Variants in BBS2 observed in about 807,000 individuals in gnomAD.
BBS2 encodes the protein Bardet-Biedl syndrome 2.
BBS2 carries 62 observed loss-of-function variants against 83.0 expected under a neutral mutation model. That is an observed-to-expected ratio of 0.75 (90% confidence interval 0.61 to 0.92). The LOEUF (loss-of-function observed/expected upper bound fraction) is 0.92, where lower values mean the gene tolerates loss of function less well. BBS2 is among the 40% of genes least tolerant of loss of function. BBS2 has a pLI of 0.00. For missense variants in BBS2, 784 were observed against 901.0 expected (o/e 0.87, Z 1.66); for synonymous variants, 303 against 326.1 (o/e 0.93, Z 0.76).
intron 15 of BBS2, among the ~76,000 whole-genome samples, chr16:56,492,586 T>C (rs1238135703): frequency 6.6e-6 from 1 of 152,214 alleles, no homozygotes; most frequent in Non-Finnish European, 1.5e-5. Flanking sequence ...ACTGCACCTA[T>C]AGTCAACGAT....
intron 17 of BBS2, chr16:56,477,988 T>C (rs1019585251): frequency 2.6e-5 from 4 of 152,248 alleles, no homozygotes; most frequent in Non-Finnish European, 4.4e-5. Context: ...GCCCTTGATA[T>C]GGATATTTAT....
At chr16:56,502,256 C>T in intron 9 of BBS2, 61 bp downstream of exon 9, 1 of 1,610,146 alleles carries the variant, frequency 6.2e-7, no homozygotes, top group Non-Finnish European at 8.5e-7. Context: ...TTTGCTGATC[C>T]TCCCGGTCAG....
At chr16:56,519,635 G>C in intron 1 of BBS2, 111 bp downstream of exon 1, 1 of 850,648 alleles carries the variant, frequency 1.2e-6, no homozygotes, top group Non-Finnish European at 1.9e-6. Context: ...CGGTTGCCGG[G>C]CAACACGGGC....
rs756639098 is a variant in BBS2, at chr16:56,514,561, A to T, written c.237T>A (p.Thr79=). ...CAAGCTCAGGGTTCAATACGCCTGC[A>T]GTCAGACAGCTGACTGCCTGGTTAA... is the stretch of plus-strand genomic sequence containing the variant. ...LSINQAVSCL[T]AGVLNPELGY... Residue 79 remains threonine, a synonymous_variant, in exon 2 of 17, where the codon ACT becomes ACA. Transcript: ENST00000245157. 1 of 1,614,204 alleles carries T rather than the reference A, an allele frequency of 6.2e-7. No homozygotes were observed. The highest frequency in any genetic ancestry group is 1.6e-4 in the Middle Eastern group (1 of 6,062).
At chr16:56,496,117 G>A (rs1365299898) in intron 15 of BBS2, among the ~76,000 whole-genome samples, 2 of 152,046 alleles carry the variant, frequency 1.3e-5, no homozygotes, top group Non-Finnish European at 2.9e-5. Flanking sequence ...AAAAACACAA[G>A]CAGCACTCTG....
intron 12 of BBS2, 182 bp downstream of exon 12, chr16:56,499,596 G>A: frequency 2.9e-6 from 2 of 694,374 alleles, no homozygotes; most frequent in Non-Finnish European, 4.8e-6. Context: ...TTCAAAGTGA[G>A]AGAAGGTATT....
intron 15 of BBS2, among the ~76,000 whole-genome samples, chr16:56,493,512 T>C (rs1964023808): frequency 6.6e-6 from 1 of 151,802 alleles, no homozygotes; most frequent in Non-Finnish European, 1.5e-5. Context: ...TATACTTAAA[T>C]GTTCAACTGG....
At chr16:56,482,447 C>T, downstream of BBS2, among the ~76,000 whole-genome samples, 1 of 152,074 alleles carries the variant, frequency 6.6e-6, no homozygotes, top group East Asian at 1.9e-4. Flanking sequence ...CTCACAGCAA[C>T]CTCTGTGTGA....
At chr16:56,515,904 C>G (rs1292806933) in intron 1 of BBS2, among the ~76,000 whole-genome samples, 2 of 152,152 alleles carry the variant, frequency 1.3e-5, no homozygotes, top group African/African-American at 4.8e-5. Context: ...AAGACAAGAG[C>G]CTGGTGTGCT....
At chr16:56,474,193 A>G (rs1334047605) in intron 17 of BBS2, among the ~76,000 whole-genome samples, 1 of 152,104 alleles carries the variant, frequency 6.6e-6, no homozygotes, top group African/African-American at 2.4e-5. Context: ...ACTTTAGGTA[A>G]TAACATGCTG....
Position 56,495,766 on chromosome 16 carries a change from A to G in BBS2, c.1910+1201T>C, listed in dbSNP as rs528755749. ...GATTTTTATACAGACGTGTGTATAT[A>G]TGTGTGTGTGTGTGTGTGTGTGTGT... On this transcript the variant is annotated intron_variant, in intron 15 of 16. Transcript: ENST00000245157. Among the ~76,000 whole-genome samples, 449 of 149,308 alleles carry G rather than the reference A, an allele frequency of 3.0e-3. 2 individuals carry two copies. Among genetic ancestry groups the G allele is most frequent in the Non-Finnish European group, 3.5e-3 (235 of 67,300 alleles).
Position 56,489,200 on chromosome 16 carries a change from G to A in BBS2, c.1911-3462C>T, listed in dbSNP as rs376242269. 1.2e-4 allele frequency among the ~76,000 whole-genome samples: 18 copies of A among 152,262 alleles called. No individual in the cohort carries two copies. The East Asian group carries it at 3.5e-3, about 29-fold the overall frequency. ...CCAAAAATAAAAAAAAATTAGCTGG[G>A]TGTGGTGGCACATGCCTGTAGTCCC... On this transcript the variant is annotated intron_variant, in intron 15 of 16. Transcript: ENST00000245157.
At chr16:56,493,287 G>A (rs1475556547) in intron 15 of BBS2, among the ~76,000 whole-genome samples, 1 of 150,716 alleles carries the variant, frequency 6.6e-6, no homozygotes, top group Non-Finnish European at 1.5e-5. Context: ...TCAGGAGGCT[G>A]AGGTGAGATG....
chr16:56,484,338 T>C (rs908431522), downstream of BBS2: 1 of 183,198 alleles, frequency 5.5e-6, no homozygotes, highest in Admixed American at 5.6e-5. Context: ...AAAATACAAA[T>C]GGGCAATTCT....
chr16:56,510,724 A>C (rs1445599495), intron 4 of BBS2, 135 bp downstream of exon 4: 1 of 862,426 alleles, frequency 1.2e-6, no homozygotes, highest in Non-Finnish European at 2.0e-6. Context: ...AATGGGGCCA[A>C]CTGGCTGAGC....
intron 17 of BBS2, among the ~76,000 whole-genome samples, chr16:56,471,506 T>C (rs1347671930): frequency 6.6e-6 from 1 of 152,208 alleles, no homozygotes; most frequent in African/African-American, 2.4e-5. Context: ...TGTGAAAATA[T>C]TGGCACCATT....
chr16:56,505,703 G>C (rs1050910782), intron 7 of BBS2, among the ~76,000 whole-genome samples: 1 of 152,176 alleles, frequency 6.6e-6, no homozygotes, highest in Non-Finnish European at 1.5e-5. Context: ...TCAAATAAGA[G>C]ATTTAGACAG....
intron 1 of BBS2, chr16:56,519,515 T>G: frequency 3.7e-6 from 2 of 546,088 alleles, no homozygotes; most frequent in Non-Finnish European, 6.6e-6. Flanking sequence ...GACCCCGACC[T>G]CGCCTGACTC....
chr16:56,481,844 G>T (rs1465979652), downstream of BBS2, among the ~76,000 whole-genome samples: 1 of 152,124 alleles, frequency 6.6e-6, no homozygotes, highest in Non-Finnish European at 1.5e-5. Context: ...GGGAAGTTTG[G>T]AGTAGAAGAG....
Sources: allele counts gnomAD v4.1 joint callset (sites outside exome capture counted in the v4.1 genomes callset), GRCh38; gene constraint gnomAD v4.1.1; transcripts MANE v1.5; gene names NCBI Gene and HGNC (gene_info 2026-07-23, HGNC 2026-07-21).